Variants in FAM107B observed in about 807,000 individuals in gnomAD.
FAM107B encodes family with sequence similarity 107 member B, also known as protein FAM107B.
Under a neutral mutation model 31.5 loss-of-function variants are expected in FAM107B, and 21 were observed. The ratio of observed to expected loss-of-function variants is 0.67; its 90% CI spans 0.47 to 0.96. The LOEUF is 0.96. Ranked by LOEUF, FAM107B falls within the 40% of genes least tolerant of loss-of-function variation. FAM107B has a pLI of 0.00. For synonymous variants in FAM107B, 157 were observed against 141.5 expected (o/e 1.11, Z -0.78); for missense variants, 452 against 377.1 (o/e 1.20, Z -1.64).
At chr10:14,642,025 C>T (rs1424523015) in intron 2 of FAM107B, among the ~76,000 whole-genome samples, 4 of 152,140 alleles carry the variant, frequency 2.6e-5, no homozygotes, top group Admixed American at 2.0e-4. Context: ...TGTGAACTTG[C>T]GGAACCAGAC....
rs746931296 is a variant in FAM107B at position 14,774,521 on chromosome 10, G to GTAT, written c.140_142dup (p.Asp47_Thr48insAsn). ...AGGCTGCACACGGACGGTGGAATGA[G>GTAT]TATCAGCCACGCCGGACTGATTGAA... On this transcript the variant is annotated inframe_insertion, in exon 1 of 5. Transcript: ENST00000181796. 10 of 1,614,078 alleles carry GTAT rather than the reference G, an allele frequency of 6.2e-6. No individual in the cohort carries two copies. In the East Asian group the frequency reaches 1.8e-4, roughly 29 times the overall value.
chr10:14,680,174 T>G (rs1404141778), intron 1 of FAM107B, among the ~76,000 whole-genome samples: 2 of 152,142 alleles, frequency 1.3e-5, no homozygotes, highest in African/African-American at 2.4e-5. Context: ...GGTGGAAGTC[T>G]TACATTCTTG....
intron 2 of FAM107B, among the ~76,000 whole-genome samples, chr10:14,607,492 C>T (rs1852624343): frequency 6.6e-6 from 1 of 152,188 alleles, no homozygotes; most frequent in African/African-American, 2.4e-5. Context: ...TGTATCCATA[C>T]CATCCACCAC....
Position 14,667,693 on chromosome 10 carries a change from T to G in FAM107B, c.412-2A>C, listed in dbSNP as rs1176292256. The stretch of plus-strand genomic sequence containing the variant: ...AGGTTCTTCTCGAAATTCTTCTTCC[T>G]AAGCGCCAGCCCCATAAACCAGAAA... On this transcript the variant is annotated splice_acceptor_variant, in intron 1 of 4. Transcript: ENST00000181796. LOFTEE classifies it high-confidence loss of function. 11 of 1,614,032 alleles carry G rather than the reference T, an allele frequency of 6.8e-6. No homozygotes were observed. Among genetic ancestry groups the G allele is most frequent in the Non-Finnish European group, 7.6e-6 (9 of 1,180,008 alleles).
At chr10:14,598,763 TA>T (rs1852269391) in intron 2 of FAM107B, among the ~76,000 whole-genome samples, 1 of 152,196 alleles carries the variant, frequency 6.6e-6, no homozygotes, top group African/African-American at 2.4e-5. Flanking sequence ...GGCACTGGCA[TA>T]ACAGCATAAA....
intron 2 of FAM107B, among the ~76,000 whole-genome samples, chr10:14,587,311 C>T (rs1851877103): frequency 6.6e-6 from 1 of 152,156 alleles, no homozygotes; most frequent in African/African-American, 2.4e-5. Context: ...AATGCAGGTA[C>T]TCATGTATTT....
At chr10:14,709,188 CAT>C (rs1389009851) in intron 1 of FAM107B, among the ~76,000 whole-genome samples, 1 of 152,190 alleles carries the variant, frequency 6.6e-6, no homozygotes, top group Admixed American at 6.5e-5. Context: ...CAATTGCACT[CAT>C]AGGTATTTAC....
At chr10:14,645,917 G>T (rs1853740983) in intron 2 of FAM107B, among the ~76,000 whole-genome samples, 1 of 152,082 alleles carries the variant, frequency 6.6e-6, no homozygotes, top group African/African-American at 2.4e-5. Flanking sequence ...ATGAATGAAA[G>T]GTTAACAATA....
intron 1 of FAM107B, among the ~76,000 whole-genome samples, chr10:14,705,090 T>C (rs1209479344): frequency 6.9e-6 from 1 of 145,410 alleles, no homozygotes; most frequent in East Asian, 2.0e-4. Flanking sequence ...GATACACAAA[T>C]GCCAATAAGC....
chr10:14,532,982 C>T (rs1237487344), intron 2 of FAM107B, among the ~76,000 whole-genome samples: 1 of 152,072 alleles, frequency 6.6e-6, no homozygotes, highest in Non-Finnish European at 1.5e-5. Context: ...TGAGGAATGG[C>T]AAAGCGCGAG....
intron 1 of FAM107B, among the ~76,000 whole-genome samples, chr10:14,729,507 A>G (rs955441878): frequency 6.6e-6 from 1 of 151,744 alleles, no homozygotes; most frequent in Non-Finnish European, 1.5e-5. Flanking sequence ...CAGGGGGCAT[A>G]AGTATGGAGC....
intron 2 of FAM107B, among the ~76,000 whole-genome samples, chr10:14,544,976 C>G (rs960611696): frequency 2.0e-5 from 3 of 152,138 alleles, no homozygotes; most frequent in Non-Finnish European, 4.4e-5. Context: ...TCCGAGGCAT[C>G]GGCACCATCA....
chr10:14,524,822 A>T (rs1039553196), intron 3 of FAM107B, among the ~76,000 whole-genome samples: 1 of 152,180 alleles, frequency 6.6e-6, no homozygotes, highest in Admixed American at 6.5e-5. Flanking sequence ...CTATTATTCA[A>T]TTCTCCTGGA....
chr10:14,705,118 A>C (rs1308902569), intron 1 of FAM107B, among the ~76,000 whole-genome samples: 2 of 151,994 alleles, frequency 1.3e-5, no homozygotes, highest in African/African-American at 4.8e-5. Flanking sequence ...TTGCTGCACC[A>C]CATCACTAAT....
intron 2 of FAM107B, among the ~76,000 whole-genome samples, chr10:14,595,934 AG>A (rs1490134415): frequency 2.6e-5 from 4 of 152,162 alleles, no homozygotes; most frequent in Non-Finnish European, 5.9e-5. Flanking sequence ...CCACAACCAC[AG>A]GGACACACTG....
At chr10:14,559,031 TC>T (rs1373047534) in intron 2 of FAM107B, among the ~76,000 whole-genome samples, 1 of 146,770 alleles carries the variant, frequency 6.8e-6, no homozygotes, top group African/African-American at 2.6e-5. Context: ...GACCTCCATT[TC>T]CCTTCCAACG....
chr10:14,596,544 A>G (rs1260063840), intron 2 of FAM107B, among the ~76,000 whole-genome samples: 2 of 152,182 alleles, frequency 1.3e-5, no homozygotes, highest in Non-Finnish European at 2.9e-5. Context: ...AAAACTGTTC[A>G]TTGATGATAA....
intron 1 of FAM107B, among the ~76,000 whole-genome samples, chr10:14,741,631 C>T (rs1856439070): frequency 6.6e-6 from 1 of 151,894 alleles, no homozygotes; most frequent in Admixed American, 6.6e-5. Flanking sequence ...CAAATCCAGT[C>T]ACCAGCACTG....
intron 2 of FAM107B, among the ~76,000 whole-genome samples, chr10:14,588,941 G>A (rs1246930216): frequency 6.6e-6 from 1 of 151,994 alleles, no homozygotes; most frequent in African/African-American, 2.4e-5. Context: ...CAGCACTTTG[G>A]GAGGCCAAAG....
Sources: gnomAD v4.1 joint callset for allele counts (sites outside exome capture counted in the v4.1 genomes callset) on GRCh38, gnomAD v4.1.1 for gene constraint, MANE v1.5 for transcripts, NCBI Gene and HGNC (gene_info 2026-07-23, HGNC 2026-07-21) for gene names.